LRRTM4: variants seen among roughly 807,000 people sequenced by gnomAD.
LRRTM4 encodes leucine rich repeat transmembrane neuronal 4, also known as leucine-rich repeat transmembrane neuronal protein 4.
In LRRTM4, 25 loss-of-function variants were observed where a neutral mutation model predicts 47.6. That is an observed-to-expected ratio of 0.53 (90% CI 0.38 to 0.73). The LOEUF is 0.73. Ranked by LOEUF, LRRTM4 falls within the 30% of genes least tolerant of loss-of-function variation. The pLI is 0.00. For missense variants in LRRTM4, 638 were observed against 713.4 expected (o/e 0.89, Z 1.20); for synonymous variants, 311 against 269.5 (o/e 1.15, Z -1.51).
chr2:77,210,621 C>A lies in LRRTM4; in HGVS notation c.1551+307697G>T, dbSNP rs574353527. On this transcript the variant is annotated intron_variant, in intron 3 of 3. Transcript: ENST00000409884. ...GTTGCCATCACCGTGGGCCAAACAG[C>A]TGATTCGTGGTGGAAATAAAGCTCC... Among the ~76,000 whole-genome samples, 9 of 152,166 alleles carry A rather than the reference C, an allele frequency of 5.9e-5. No individual in the cohort carries two copies. The South Asian group carries it at 1.9e-3, about 32-fold the overall frequency.
chr2:77,118,718 G>T (rs1483868343), intron 3 of LRRTM4, among the ~76,000 whole-genome samples: 1 of 151,772 alleles, frequency 6.6e-6, no homozygotes, highest in Non-Finnish European at 1.5e-5. Flanking sequence ...CATGCTACTT[G>T]ATTTGTTATT....
At chr2:77,362,897 C>T (rs1319420829) in intron 3 of LRRTM4, among the ~76,000 whole-genome samples, 1 of 151,968 alleles carries the variant, frequency 6.6e-6, no homozygotes, top group Non-Finnish European at 1.5e-5. Context: ...CAATATTAGC[C>T]CGTTTCTTAA....
Position 77,475,904 on chromosome 2 carries a change from T to G in LRRTM4, c.1551+42414A>C, listed in dbSNP as rs375168525. Among the ~76,000 whole-genome samples the G allele has an allele frequency of 6.8e-4, 104 of 152,108 alleles. 3 individuals are homozygous for G. In the South Asian group the frequency reaches 0.02, roughly 29 times the overall value. On this transcript the variant is annotated intron_variant, in intron 3 of 3. Transcript: ENST00000409884. Reference sequence around the variant, plus strand: ...GTTTACATTCTATGCCTATTTTTATTTAAGATATATGACATTTTATCACTG... The same window carrying G: ...GTTTACATTCTATGCCTATTTTTATGTAAGATATATGACATTTTATCACTG...
intron 3 of LRRTM4, among the ~76,000 whole-genome samples, chr2:77,027,482 A>T (rs912120582): frequency 6.6e-6 from 1 of 152,160 alleles, no homozygotes; most frequent in Non-Finnish European, 1.5e-5. Context: ...GCCAGGTGGC[A>T]GCAATAGAAT....
chr2:77,009,370 A>T (rs1333708096), intron 3 of LRRTM4: 1 of 152,152 alleles, frequency 6.6e-6, no homozygotes, highest in Non-Finnish European at 1.5e-5. Context: ...GAAGTTGAAC[A>T]CACATTTTCA....
intron 3 of LRRTM4, among the ~76,000 whole-genome samples, chr2:76,807,465 T>C (rs1362161911): frequency 2.8e-4 from 29 of 102,548 alleles, no homozygotes; most frequent in African/African-American, 1.1e-3. Flanking sequence ...TATACATATA[T>C]ATATACATAT....
At chr2:76,868,217 T>C (rs1390661884) in intron 3 of LRRTM4, among the ~76,000 whole-genome samples, 1 of 152,190 alleles carries the variant, frequency 6.6e-6, no homozygotes. Context: ...CATCCAAAAA[T>C]CTCAAAACAA....
At chr2:76,848,690 G>T (rs1344734082) in intron 3 of LRRTM4, among the ~76,000 whole-genome samples, 1 of 151,908 alleles carries the variant, frequency 6.6e-6, no homozygotes, top group East Asian at 1.9e-4. Context: ...TTATAACAAG[G>T]ATTTTTAAAC....
At chr2:77,069,335 CG>C (rs1454488782) in intron 3 of LRRTM4, among the ~76,000 whole-genome samples, 1 of 150,352 alleles carries the variant, frequency 6.7e-6, no homozygotes, top group Non-Finnish European at 1.5e-5. Context: ...CATGTGGATA[CG>C]TTTTTTAGAT....
rs542215149 is a variant in LRRTM4 at position 76,952,123 on chromosome 2, A to G, written c.1552-203207T>C. Among the ~76,000 whole-genome samples the G allele has an allele frequency of 9.2e-5, 14 of 152,090 alleles. 1 individual carries two copies. The East Asian group carries it at 1.8e-3, about 19-fold the overall frequency. ...TGTGTCTTTGTAGTAGATATTAGCT[A>G]TAGTAGGCTATAGTAGGCTTTTGGC... On this transcript the variant is annotated intron_variant, in intron 3 of 3. Coordinates refer to ENST00000409884, the MANE Select transcript of LRRTM4 (RefSeq NM_001134745.3).
chr2:77,313,786 A>C (rs374292), intron 3 of LRRTM4, among the ~76,000 whole-genome samples: 6,099 of 152,290 alleles, frequency 0.04, 181 homozygotes, highest in East Asian at 0.083. Context: ...CCCTGAAGAC[A>C]AAGTTATTCC....
rs1021598899 is a variant in LRRTM4, at chr2:77,169,400, TCA to T, written c.1551+348916_1551+348917del. Among the ~76,000 whole-genome samples, 29 of 152,310 alleles carry T rather than the reference TCA, an allele frequency of 1.9e-4. 1 individual carries two copies. The highest frequency in any genetic ancestry group is 1.4e-3 in the Admixed American group (22 of 15,262). ...ATTTAAAATTTTTGGTGGATTATTT[TCA>T]CAGTCTTTTTCTCCTTAGATGTACT... On this transcript the variant is annotated intron_variant, in intron 3 of 3. Coordinates refer to ENST00000409884, the MANE Select transcript of LRRTM4 (RefSeq NM_001134745.3).
intron 3 of LRRTM4, among the ~76,000 whole-genome samples, chr2:76,882,413 C>T (rs746267581): frequency 5.3e-5 from 8 of 151,898 alleles, no homozygotes; most frequent in Non-Finnish European, 7.4e-5. Flanking sequence ...TAAAAAAGGC[C>T]AGGCACGGTG....
intron 3 of LRRTM4, among the ~76,000 whole-genome samples, chr2:77,081,279 C>T (rs1349483104): frequency 6.8e-6 from 1 of 147,880 alleles, no homozygotes; most frequent in African/African-American, 2.6e-5. Flanking sequence ...CACACACACA[C>T]ACACACACAC....
chr2:76,802,284 G>C (rs1449628452), intron 3 of LRRTM4, among the ~76,000 whole-genome samples: 3 of 148,958 alleles, frequency 2.0e-5, no homozygotes, highest in African/African-American at 7.4e-5. Context: ...AAAGTTGTAG[G>C]ATATAACAGC....
rs532467691 is a variant in LRRTM4 at position 77,202,892 on chromosome 2, G to C, written c.1551+315426C>G. Among the ~76,000 whole-genome samples the C allele has an allele frequency of 2.0e-5, 3 of 152,130 alleles. No homozygotes were observed. The South Asian group carries it at 6.2e-4, about 32-fold the overall frequency. On this transcript the variant is annotated intron_variant, in intron 3 of 3. Coordinates refer to ENST00000409884, the MANE Select transcript of LRRTM4 (RefSeq NM_001134745.3). Reference sequence around the variant, plus strand: ...TTCTAAGGAAAAGTAGAATGTATGGGAACAGGAGGATCATGTTCAAACACA... The same window carrying C: ...TTCTAAGGAAAAGTAGAATGTATGGCAACAGGAGGATCATGTTCAAACACA...
chr2:77,207,142 TTA>T (rs35745580), intron 3 of LRRTM4, among the ~76,000 whole-genome samples: 2,043 of 136,754 alleles, frequency 0.015, 36 homozygotes, highest in African/African-American at 0.037. Flanking sequence ...TATTTTATAT[TTA>T]TATATATATA....
intron 3 of LRRTM4, among the ~76,000 whole-genome samples, chr2:77,115,245 C>T (rs918981315): frequency 4.6e-5 from 7 of 152,162 alleles, no homozygotes; most frequent in East Asian, 1.9e-4. Flanking sequence ...TGCTCGACCC[C>T]GCAGGCAGTC....
intron 3 of LRRTM4, among the ~76,000 whole-genome samples, chr2:77,216,095 C>CG (rs74990340): frequency 6.6e-5 from 10 of 151,822 alleles, no homozygotes; most frequent in African/African-American, 2.4e-4. Flanking sequence ...AACTGCCCCC[C>CG]CACCCAGCAA....
Sources: gnomAD v4.1 joint callset for allele counts (sites outside exome capture counted in the v4.1 genomes callset) on GRCh38, gnomAD v4.1.1 for gene constraint, MANE v1.5 for transcripts, NCBI Gene and HGNC (gene_info 2026-07-23, HGNC 2026-07-21) for gene names.